The following PABPC4L variants were observed in gnomAD, a reference collection of about 807,000 sequenced individuals.
PABPC4L encodes poly(A) binding protein cytoplasmic 4 like.
For missense variants in PABPC4L, 452 were observed against 451.4 expected, an observed-to-expected ratio of 1.00 and a Z score of -0.01; for synonymous variants, 169 against 164.1, an observed-to-expected ratio of 1.03 and a Z score of -0.23.
the PABPC4L span, among the ~76,000 whole-genome samples, chr4:133,970,475 C>T: frequency 6.6e-6 from 1 of 152,104 alleles, no homozygotes; most frequent in African/African-American, 2.4e-5. Context: ...CATCAAACTG[C>T]CATGTTGAAA....
the PABPC4L span, among the ~76,000 whole-genome samples, chr4:134,023,372 G>A: frequency 6.6e-5 from 10 of 152,096 alleles, no homozygotes; most frequent in African/African-American, 2.4e-5. Flanking sequence ...TATGTGGGGA[G>A]ACAGCTTCCT....
chr4:134,029,644 T>C, the PABPC4L span, among the ~76,000 whole-genome samples: 1 of 151,940 alleles, frequency 6.6e-6, no homozygotes, highest in Admixed American at 6.6e-5. Flanking sequence ...CATCTTAGTT[T>C]AAATTAGTTA....
chr4:134,075,972 A>G, the PABPC4L span, among the ~76,000 whole-genome samples: 1 of 152,140 alleles, frequency 6.6e-6, no homozygotes, highest in African/African-American at 2.4e-5. Flanking sequence ...AGTAAAGTAA[A>G]TAAACAAATG....
At chr4:134,031,215 G>T in the PABPC4L span, among the ~76,000 whole-genome samples, 1 of 151,876 alleles carries the variant, frequency 6.6e-6, no homozygotes, top group Admixed American at 6.6e-5. Flanking sequence ...ACCTCCTATA[G>T]GAAGGAGTCC....
the PABPC4L span, among the ~76,000 whole-genome samples, chr4:134,163,220 A>G: frequency 1.3e-5 from 2 of 152,168 alleles, no homozygotes; most frequent in South Asian, 4.1e-4. Flanking sequence ...TGAGACTGCT[A>G]TGAATACCCC....
chr4:134,136,881 A>G, the PABPC4L span, among the ~76,000 whole-genome samples: 2 of 152,022 alleles, frequency 1.3e-5, no homozygotes, highest in African/African-American at 4.8e-5. Context: ...CACTGAGGAC[A>G]GTTTATTTTC....
chr4:133,980,840 T>G, the PABPC4L span, among the ~76,000 whole-genome samples: 5 of 152,330 alleles, frequency 3.3e-5, no homozygotes, highest in South Asian at 1.0e-3. Context: ...GTACATAGCC[T>G]TTCTGCTCTT....
the PABPC4L span, among the ~76,000 whole-genome samples, chr4:134,189,266 C>T: frequency 6.6e-6 from 1 of 151,976 alleles, no homozygotes. Context: ...TTTGATAATA[C>T]CAACATTGTT....
chr4:134,070,326 G>T, the PABPC4L span, among the ~76,000 whole-genome samples: 1 of 152,180 alleles, frequency 6.6e-6, no homozygotes, highest in East Asian at 1.9e-4. Flanking sequence ...AGTGTGGTGG[G>T]GTGCATGTGC....
chr4:134,066,212 A>G, the PABPC4L span, among the ~76,000 whole-genome samples: 3 of 152,114 alleles, frequency 2.0e-5, no homozygotes, highest in African/African-American at 7.2e-5. Flanking sequence ...CATGTCATCT[A>G]TGATTTCTTT....
At chr4:133,973,165 A>G in the PABPC4L span, among the ~76,000 whole-genome samples, 1 of 152,304 alleles carries the variant, frequency 6.6e-6, no homozygotes, top group East Asian at 1.9e-4. Flanking sequence ...ATAAATCCCA[A>G]TTAAATGTCT....
At chr4:134,138,666 A>T in the PABPC4L span, among the ~76,000 whole-genome samples, 3 of 151,414 alleles carry the variant, frequency 2.0e-5, no homozygotes, top group Non-Finnish European at 4.4e-5. Flanking sequence ...TCTAATTTTA[A>T]TTTTTTTTGA....
chr4:134,100,631 C>G, the PABPC4L span, among the ~76,000 whole-genome samples: 1 of 151,640 alleles, frequency 6.6e-6, no homozygotes, highest in Admixed American at 6.6e-5. Flanking sequence ...TCTATGTACC[C>G]TCAAACATAC....
chr4:134,133,109 TATATTATATAATATATC>T, the PABPC4L span, among the ~76,000 whole-genome samples: 1 of 16,860 alleles, frequency 5.9e-5, no homozygotes. Flanking sequence ...CATATAATTA[TATATTATATAATATATC>T]ATATTACATA....
chr4:134,094,206 A>AT, the PABPC4L span, among the ~76,000 whole-genome samples: 1 of 151,698 alleles, frequency 6.6e-6, no homozygotes, highest in African/African-American at 2.4e-5. Context: ...TTGTTTCTCT[A>AT]TTTTTTCATA....
the PABPC4L span, among the ~76,000 whole-genome samples, chr4:134,190,809 G>A: frequency 1.3e-5 from 2 of 151,912 alleles, no homozygotes; most frequent in South Asian, 2.1e-4. Context: ...ACCTCACCAC[G>A]CCTAGCTGAT....
At chr4:133,992,673 A>T in the PABPC4L span, among the ~76,000 whole-genome samples, 6 of 152,174 alleles carry the variant, frequency 3.9e-5, no homozygotes, top group Admixed American at 1.3e-4. Flanking sequence ...GGCCAATAGA[A>T]TGTAGCAGGT....
At chr4:134,084,058 T>C in the PABPC4L span, among the ~76,000 whole-genome samples, 5 of 152,128 alleles carry the variant, frequency 3.3e-5, no homozygotes, top group African/African-American at 1.2e-4. Flanking sequence ...GTGTAATTTT[T>C]ATTTTTTTGA....
At chr4:134,188,367 T>G in the PABPC4L span, among the ~76,000 whole-genome samples, 1 of 152,132 alleles carries the variant, frequency 6.6e-6, no homozygotes, top group Admixed American at 6.6e-5. Context: ...AATCATATTT[T>G]TATTTTACCT....
Sources: allele counts gnomAD v4.1 joint callset (sites outside exome capture counted in the v4.1 genomes callset), GRCh38; gene constraint gnomAD v4.1.1; transcripts MANE v1.5; gene names NCBI Gene and HGNC (gene_info 2026-07-23, HGNC 2026-07-21).